Variants in ABCG8 observed in about 807,000 individuals in gnomAD.
The protein encoded by ABCG8 is ATP binding cassette subfamily G member 8.
A neutral mutation model predicts 71.3 loss-of-function variants in ABCG8; 81 were observed. The observed-to-expected ratio is 1.14, with a 90% CI of 0.95 to 1.37. ABCG8 has a LOEUF of 1.37. ABCG8 is among the 40% of genes most tolerant of loss of function. The probability of loss-of-function intolerance (pLI) is 0.00; values close to 1 mark genes in which losing one functional copy is unlikely to be tolerated. For missense variants in ABCG8, 1,119 were observed against 866.2 expected, an observed-to-expected ratio of 1.29 and a Z score of -3.66; for synonymous variants, 451 against 354.7, an observed-to-expected ratio of 1.27 and a Z score of -3.05.
rs770520098 is a variant in ABCG8, at chr2:43,873,838, G to A, written c.1263G>A (p.Gly421=). The stretch of plus-strand genomic sequence containing the variant: ...ACCTGCCCACCCTCCTCATCCATGG[G>A]GCGGAGGCCTGTCTGATGTCAATGA... ...FRDLPTLLIH[G]AEACLMSMTI... Residue 421 remains glycine, a synonymous_variant, in exon 9 of 13, where the codon GGG becomes GGA. Coordinates refer to ENST00000272286, the MANE Select transcript of ABCG8 (RefSeq NM_022437.3). 20 of 1,613,880 alleles carry A rather than the reference G, an allele frequency of 1.2e-5. No individual in the cohort carries two copies. Among genetic ancestry groups the A allele is most frequent in the Non-Finnish European group, 1.7e-5 (20 of 1,180,012 alleles).
chr2:43,846,381 G>A (rs1668744170), intron 3 of ABCG8, 70 bp downstream of exon 3: 1 of 1,603,640 alleles, frequency 6.2e-7, no homozygotes, highest in Non-Finnish European at 8.5e-7. Flanking sequence ...TGGACAAATG[G>A]ATGCTTCTTA....
In ABCG8 at chr2:43,866,951, G is replaced by A. The variant is rs1384838118; in HGVS notation, c.965-5025G>A. ...GCAAAGACTTGGAACCAACCCAAAT[G>A]TCCAACAATGATAGACTGGATTAAG... On this transcript the variant is annotated intron_variant, in intron 6 of 12. Coordinates refer to ENST00000272286, the MANE Select transcript of ABCG8 (RefSeq NM_022437.3). Among the ~76,000 whole-genome samples the A allele has an allele frequency of 5.9e-5, 9 of 151,364 alleles. No homozygotes were observed. In the East Asian group the frequency reaches 1.7e-3, roughly 29 times the overall value.
intron 6 of ABCG8, among the ~76,000 whole-genome samples, chr2:43,862,601 C>CAG (rs1558831148): frequency 6.8e-6 from 1 of 146,230 alleles, no homozygotes; most frequent in Non-Finnish European, 1.5e-5. Context: ...TACCTGGAAA[C>CAG]AACTCTCACT....
At chr2:43,856,813 C>T (rs1273116452) in intron 6 of ABCG8, among the ~76,000 whole-genome samples, 1 of 149,598 alleles carries the variant, frequency 6.7e-6, no homozygotes, top group African/African-American at 2.5e-5. Flanking sequence ...GAATTCTCAC[C>T]CTCTGGATAG....
At chr2:43,846,983 C>CGT (rs1668761744) in intron 3 of ABCG8, 1 of 96,658 alleles carries the variant, frequency 1.0e-5, no homozygotes, top group Non-Finnish European at 1.9e-5. Context: ...CTCCTGCACG[C>CGT]GCGCGTGCAC....
intron 6 of ABCG8, among the ~76,000 whole-genome samples, chr2:43,870,954 A>T (rs1191908115): frequency 6.9e-6 from 1 of 144,580 alleles, no homozygotes; most frequent in Non-Finnish European, 1.5e-5. Flanking sequence ...AACTTTCACC[A>T]TCTGGATAGA....
intron 3 of ABCG8, 122 bp from the exon 4 acceptor site, chr2:43,851,462 G>A (rs953007225): frequency 1.1e-5 from 12 of 1,103,472 alleles, no homozygotes; most frequent in South Asian, 5.2e-5. Context: ...CCTCTCTAGG[G>A]GCTGGTCACA....
intron 11 of ABCG8, 134 bp from the exon 12 acceptor site, chr2:43,877,427 G>T: frequency 7.1e-7 from 1 of 1,404,674 alleles, no homozygotes; most frequent in Non-Finnish European, 1.0e-6. Flanking sequence ...GTGGGAATAT[G>T]GGGAGATCAT....
chr2:43,845,603 T>C (rs886347784), intron 2 of ABCG8, among the ~76,000 whole-genome samples: 1 of 152,146 alleles, frequency 6.6e-6, no homozygotes, highest in African/African-American at 2.4e-5. Context: ...TGTACCACTA[T>C]TGCACATGAT....
intron 6 of ABCG8, among the ~76,000 whole-genome samples, chr2:43,856,396 C>T (rs1336488869): frequency 6.8e-6 from 1 of 146,926 alleles, no homozygotes; most frequent in East Asian, 1.9e-4. Context: ...CTGGATAGAA[C>T]TCTCACTCTC....
At chr2:43,865,202 A>G (rs146747018) in intron 6 of ABCG8, among the ~76,000 whole-genome samples, 2,493 of 139,914 alleles carry the variant, frequency 0.018, 6 homozygotes, top group Middle Eastern at 0.061. Flanking sequence ...CTCACTATCT[A>G]GATAGAATTC....
In ABCG8 at chr2:43,872,417, T is replaced by C. The variant is rs1460053100; in HGVS notation, c.1211+111T>C. 6.9e-6 allele frequency: 9 copies of C among 1,304,138 alleles called. No individual in the cohort carries two copies. The Admixed American group carries it at 1.8e-4, about 26-fold the overall frequency. The allele number at this position is 1,304,138 out of a possible 1,614,324, so 80.8% of individuals were successfully genotyped here. ...TTAAAGGAGAAAGTGAGAGGTAGAG[T>C]CATTTGAAAAAAACAGCATCCAGCA... On this transcript the variant is annotated intron_variant, in intron 8 of 12. Coordinates refer to ENST00000272286, the MANE Select transcript of ABCG8 (RefSeq NM_022437.3).
intron 3 of ABCG8, chr2:43,846,958 T>TGTGTCTA: frequency 5.8e-6 from 1 of 173,044 alleles, no homozygotes; most frequent in South Asian, 1.5e-4. Flanking sequence ...TACTCCTCAG[T>TGTGTCTA]GTGTCTAGAG....
intron 1 of ABCG8, among the ~76,000 whole-genome samples, chr2:43,842,013 A>AT (rs4148223): frequency 2.7e-4 from 41 of 149,254 alleles, no homozygotes; most frequent in South Asian, 1.1e-3. Flanking sequence ...AATGGATAAG[A>AT]TTTTTTTTTT....
At chr2:43,854,836 G>A (rs1393909048) in intron 6 of ABCG8, among the ~76,000 whole-genome samples, 1 of 152,144 alleles carries the variant, frequency 6.6e-6, no homozygotes, top group African/African-American at 2.4e-5. Context: ...GAGGTAGAAG[G>A]CAGAGGCACT....
chr2:43,873,651 G>A (rs1669855424), intron 8 of ABCG8, 136 bp from the exon 9 acceptor site: 1 of 822,934 alleles, frequency 1.2e-6, no homozygotes. Context: ...AATCCTCAGA[G>A]CCACTCTATG....
intron 6 of ABCG8, among the ~76,000 whole-genome samples, chr2:43,869,802 G>A (rs1385692718): frequency 6.6e-6 from 1 of 151,952 alleles, no homozygotes; most frequent in East Asian, 1.9e-4. Flanking sequence ...TCACTATCTG[G>A]ATAGAATTCT....
In ABCG8 at chr2:43,875,237, C is replaced by T. The variant is rs2104949141; in HGVS notation, c.1580C>T (p.Pro527Leu). The change falls in exon 11 of 13, where the codon CCC (proline) becomes CTC (leucine). Residue 527 changes from proline to leucine, a missense_variant. Physicochemically the swap from Pro to Leu is moderately conservative, Grantham distance 98. Coordinates refer to ENST00000272286, the MANE Select transcript of ABCG8 (RefSeq NM_022437.3). ...WLANLRPGLQ[P>L]FLLHFLLVWL... The stretch of plus-strand genomic sequence containing the variant: ...GCCAACCTGAGGCCAGGCCTCCAGC[C>T]CTTCCTGCTGCACTTCCTGCTGGTG... 1.2e-6 allele frequency: 2 copies of T among 1,614,246 alleles called. No homozygotes were observed. The highest frequency in any genetic ancestry group is 1.3e-5 in the African/African-American group (1 of 75,076).
chr2:43,863,752 A>G (rs886427095), intron 6 of ABCG8, among the ~76,000 whole-genome samples: 1 of 151,472 alleles, frequency 6.6e-6, no homozygotes, highest in Admixed American at 6.6e-5. Flanking sequence ...CTGTCTGGAT[A>G]GAACTCTTAC....
Sources: gnomAD v4.1 joint callset for allele counts (sites outside exome capture counted in the v4.1 genomes callset) on GRCh38, gnomAD v4.1.1 for gene constraint, MANE v1.5 for transcripts, NCBI Gene and HGNC (gene_info 2026-07-23, HGNC 2026-07-21) for gene names.